Variants in NRXN1 observed in about 807,000 individuals in gnomAD.
NRXN1 encodes neurexin 1, also known as neurexin-1.
A neutral mutation model predicts 150.9 loss-of-function variants in NRXN1; 39 were observed. The ratio of observed to expected loss-of-function variants is 0.26; its 90% CI spans 0.20 to 0.34. NRXN1 has a LOEUF of 0.34. Ranked by LOEUF, NRXN1 falls within the 10% of genes least tolerant of loss-of-function variation. The probability of loss-of-function intolerance (pLI) is 1.00; values close to 1 mark genes in which losing one functional copy is unlikely to be tolerated. For synonymous variants in NRXN1, 924 were observed against 757.0 expected, an observed-to-expected ratio of 1.22 and a Z score of -3.62; for missense variants, 1,815 against 1,949.9, an observed-to-expected ratio of 0.93 and a Z score of 1.30.
At chr2:50,750,784 AAT>A (rs1700509897) in intron 5 of NRXN1, among the ~76,000 whole-genome samples, 1 of 152,040 alleles carries the variant, frequency 6.6e-6, no homozygotes, top group Non-Finnish European at 1.5e-5. Flanking sequence ...TGAAATTAAA[AAT>A]ATGTTTCACC....
intron 21 of NRXN1, among the ~76,000 whole-genome samples, chr2:50,021,121 T>C (rs1056814052): frequency 5.9e-5 from 9 of 152,226 alleles, no homozygotes; most frequent in African/African-American, 2.2e-4. Context: ...TTGCAAAGTG[T>C]TGAATTCCAG....
At chr2:51,026,496 T>C (rs201283389) in intron 2 of NRXN1, 1 of 1,503,120 alleles carries the variant, frequency 6.7e-7, no homozygotes, top group Non-Finnish European at 9.1e-7. Context: ...AGAACTTAGG[T>C]ATGACTTTTG....
chr2:50,302,578 A>G (rs1324920312), intron 17 of NRXN1, among the ~76,000 whole-genome samples: 3 of 152,146 alleles, frequency 2.0e-5, no homozygotes. Context: ...AGCGTGTTGC[A>G]GTTTCGATTT....
At chr2:50,888,924 T>C (rs1307137638) in intron 5 of NRXN1, among the ~76,000 whole-genome samples, 5 of 151,750 alleles carry the variant, frequency 3.3e-5, no homozygotes, top group Non-Finnish European at 5.9e-5. Context: ...TATTATTTTC[T>C]TATGATTGTC....
At chr2:50,856,494 C>T (rs1001572603) in intron 5 of NRXN1, among the ~76,000 whole-genome samples, 5 of 151,868 alleles carry the variant, frequency 3.3e-5, no homozygotes, top group African/African-American at 7.2e-5. Flanking sequence ...AAGTCCAAGA[C>T]AAAAGCTTTC....
At chr2:50,815,099 A>C (rs1668743523) in intron 5 of NRXN1, among the ~76,000 whole-genome samples, 1 of 152,086 alleles carries the variant, frequency 6.6e-6, no homozygotes, top group Non-Finnish European at 1.5e-5. Context: ...TTCGCTTTAC[A>C]ATCAAGTTAA....
intron 17 of NRXN1, among the ~76,000 whole-genome samples, chr2:50,357,849 G>A (rs1042233097): frequency 6.6e-6 from 1 of 152,152 alleles, no homozygotes; most frequent in African/African-American, 2.4e-5. Flanking sequence ...TCAGAAGGCA[G>A]GTGATTTCTG....
chr2:49,999,685 C>G (rs1421584), intron 21 of NRXN1, among the ~76,000 whole-genome samples: 71,938 of 151,708 alleles, frequency 0.47, 17,610 homozygotes, highest in Middle Eastern at 0.62. Context: ...GCCTCTTTGT[C>G]GTATACTTAT....
chr2:50,260,916 G>C (rs1013428335), intron 17 of NRXN1, among the ~76,000 whole-genome samples: 3 of 151,584 alleles, frequency 2.0e-5, no homozygotes, highest in Admixed American at 1.3e-4. Context: ...ATTCAATTTT[G>C]AGTCAGGTTA....
intron 15 of NRXN1, among the ~76,000 whole-genome samples, chr2:50,480,416 C>A (rs1380637988): frequency 6.6e-6 from 1 of 152,140 alleles, no homozygotes; most frequent in African/African-American, 2.4e-5. Flanking sequence ...ACAAAGATGA[C>A]CTGATTCATG....
intron 22 of NRXN1, among the ~76,000 whole-genome samples, chr2:49,942,922 G>A (rs1462338131): frequency 6.6e-6 from 1 of 152,034 alleles, no homozygotes; most frequent in Non-Finnish European, 1.5e-5. Flanking sequence ...GAACATTATT[G>A]AATTTAAATA....
At chr2:50,157,707 G>A (rs1486624805) in intron 18 of NRXN1, among the ~76,000 whole-genome samples, 1 of 152,086 alleles carries the variant, frequency 6.6e-6, no homozygotes, top group African/African-American at 2.4e-5. Flanking sequence ...TAAGAATGGA[G>A]AGGAAGAAAC....
chr2:50,433,716 G>A (rs2085174694), intron 17 of NRXN1, among the ~76,000 whole-genome samples: 1 of 151,352 alleles, frequency 6.6e-6, no homozygotes, highest in African/African-American at 2.4e-5. Flanking sequence ...GATGGAAGGA[G>A]TTGGGGAGGG....
chr2:50,250,991 T>G (rs2066994824), intron 17 of NRXN1, among the ~76,000 whole-genome samples: 1 of 140,640 alleles, frequency 7.1e-6, no homozygotes, highest in African/African-American at 2.7e-5. Flanking sequence ...GTAATAAATT[T>G]ATTACACATT....
chr2:51,019,922 A>G (rs895976184), intron 2 of NRXN1, among the ~76,000 whole-genome samples: 1 of 152,054 alleles, frequency 6.6e-6, no homozygotes, highest in Non-Finnish European at 1.5e-5. Context: ...CCTTGGATAT[A>G]TGTTACAAAT....
intron 17 of NRXN1, among the ~76,000 whole-genome samples, chr2:50,315,134 C>A (rs959804703): frequency 5.3e-5 from 8 of 152,018 alleles, no homozygotes; most frequent in Non-Finnish European, 1.2e-4. Flanking sequence ...ACAGTAGAAT[C>A]TCTTTTCTGC....
intron 2 of NRXN1, among the ~76,000 whole-genome samples, chr2:50,984,215 C>T (rs1209371692): frequency 6.9e-6 from 1 of 144,216 alleles, no homozygotes. Context: ...AAACTCCTGA[C>T]CTCAGGTGAT....
chr2:50,554,948 T>A (rs190497142), intron 8 of NRXN1, among the ~76,000 whole-genome samples: 1 of 152,300 alleles, frequency 6.6e-6, no homozygotes, highest in Admixed American at 6.5e-5. Context: ...TTACATTAAT[T>A]CTTAAGAATA....
At chr2:50,597,133 C>T (rs571650657) in intron 8 of NRXN1, among the ~76,000 whole-genome samples, 10 of 152,244 alleles carry the variant, frequency 6.6e-5, no homozygotes, top group Non-Finnish European at 1.3e-4. Context: ...GAACGAGTCA[C>T]CGTGCCCGGT....
Sources: gnomAD v4.1 joint callset for allele counts (sites outside exome capture counted in the v4.1 genomes callset) on GRCh38, gnomAD v4.1.1 for gene constraint, MANE v1.5 for transcripts, NCBI Gene and HGNC (gene_info 2026-07-23, HGNC 2026-07-21) for gene names.